Variants in RXRG observed in about 807,000 individuals in gnomAD.
RXRG encodes retinoic acid receptor RXR-gamma.
RXRG carries 19 observed loss-of-function variants against 49.2 expected under a neutral mutation model. The observed-to-expected ratio is 0.39, with a 90% CI of 0.27 to 0.57. The LOEUF is 0.57. Among genes scored for constraint, RXRG ranks in the 20% least tolerant of loss-of-function variants. RXRG has a pLI of 0.64. For synonymous variants in RXRG, 224 were observed against 216.6 expected (o/e 1.03, Z -0.30); for missense variants, 452 against 592.5 (o/e 0.76, Z 2.46).
chr1:165,415,177 T>A (rs754472353), intron 4 of RXRG, among the ~76,000 whole-genome samples: 1 of 151,696 alleles, frequency 6.6e-6, no homozygotes, highest in Non-Finnish European at 1.5e-5. Context: ...ATACGAAGGA[T>A]GAGAAAAAGT....
intron 9 of RXRG, among the ~76,000 whole-genome samples, chr1:165,401,859 G>A (rs760051004): frequency 3.9e-5 from 6 of 152,310 alleles, no homozygotes; most frequent in Non-Finnish European, 4.4e-5. Flanking sequence ...TAGATGACAC[G>A]TTTGAGAACC....
At chr1:165,441,209 C>A (rs138538086) in intron 1 of RXRG, among the ~76,000 whole-genome samples, 1 of 152,340 alleles carries the variant, frequency 6.6e-6, no homozygotes, top group African/African-American at 2.4e-5. Context: ...GGGAAGCCAC[C>A]AATTAATTCT....
At position 165,428,836 on chromosome 1, in the gene RXRG, C is replaced by T. The variant is rs376567163; in HGVS notation, c.180G>A (p.Gly60=). Residue 60 remains glycine, a synonymous_variant, in exon 2 of 10, where the codon GGG becomes GGA. Transcript: ENST00000359842. ...GAGAGCCCAGGGCATTGAGGGGGGTCCCCACTGCACTCAGAGTCCGTGGGG... is the reference window on the plus strand; with the variant it reads ...GAGAGCCCAGGGCATTGAGGGGGGTTCCCACTGCACTCAGAGTCCGTGGGG... ...VSAPRTLSAV[G]TPLNALGSPY... The T allele has an allele frequency of 1.2e-6, 2 of 1,614,004 alleles. No homozygotes were observed. Among genetic ancestry groups the T allele is most frequent in the Non-Finnish European group, 1.7e-6 (2 of 1,179,998 alleles).
At position 165,410,813 on chromosome 1, in the gene RXRG, T is replaced by C; in HGVS notation, c.802A>G (p.Asn268Asp). The change falls in exon 6 of 10, where the codon AAC (asparagine) becomes GAC (aspartate). Residue 268 changes from asparagine to aspartate, a missense_variant. By Grantham distance (23) the Asn-to-Asp change is conservative. Coordinates refer to ENST00000359842, the MANE Select transcript of RXRG (RefSeq NM_006917.5). ...TGCTTGTCAGCAGCATGACATATGT[T>C]GGTAACAGGGTCATTTGTCTGAAAA... is the stretch of plus-strand genomic sequence containing the variant. ...MENSTNDPVT[N>D]ICHAADKQLF... 4 of 1,614,138 alleles carry C rather than the reference T, an allele frequency of 2.5e-6. No homozygotes were observed. Among genetic ancestry groups the C allele is most frequent in the Non-Finnish European group, 3.4e-6 (4 of 1,180,008 alleles).
rs558012832 is a variant in RXRG, at chr1:165,418,217, A to G, written c.443-997T>C. ...TACCTGTCCACACATGCAGTTTTCA[A>G]TTACCCCAGGCAGGGGTGGCTAATT... On this transcript the variant is annotated intron_variant, in intron 3 of 9. Coordinates refer to ENST00000359842, the MANE Select transcript of RXRG (RefSeq NM_006917.5). Among the ~76,000 whole-genome samples the G allele has an allele frequency of 8.6e-5, 13 of 151,950 alleles. No individual in the cohort carries two copies. In the East Asian group the frequency reaches 2.3e-3, roughly 27 times the overall value.
intron 1 of RXRG, among the ~76,000 whole-genome samples, chr1:165,441,678 T>C (rs1390568968): frequency 1.3e-5 from 2 of 152,138 alleles, no homozygotes; most frequent in African/African-American, 4.8e-5. Flanking sequence ...AGAGAAGTCC[T>C]CTCTCTCCCT....
intron 9 of RXRG, among the ~76,000 whole-genome samples, chr1:165,406,386 T>C (rs72687757): frequency 0.3 from 45,602 of 152,142 alleles, 7,503 homozygotes; most frequent in South Asian, 0.43. Context: ...CAGAAAGCAA[T>C]GCAGTCACAC....
At chr1:165,411,672 G>A (rs1657954609) in intron 4 of RXRG, among the ~76,000 whole-genome samples, 1 of 152,158 alleles carries the variant, frequency 6.6e-6, no homozygotes, top group Non-Finnish European at 1.5e-5. Context: ...GGGGTGGAGG[G>A]ATGTCACCTA....
At chr1:165,416,756 A>G (rs937209339) in intron 4 of RXRG, among the ~76,000 whole-genome samples, 3 of 152,220 alleles carry the variant, frequency 2.0e-5, no homozygotes, top group African/African-American at 7.2e-5. Flanking sequence ...TCTGGGCTCC[A>G]GAAGAGGATG....
In RXRG at chr1:165,402,027, C is replaced by T. The variant is rs77383779; in HGVS notation, c.1245-617G>A. ...CCTCCCAAGTAGGCGGGACTACAGGCACATGCCTTGGGGTCCACAGTCACC... is the reference window on the plus strand; with the variant it reads ...CCTCCCAAGTAGGCGGGACTACAGGTACATGCCTTGGGGTCCACAGTCACC... On this transcript the variant is annotated intron_variant, in intron 9 of 9. Coordinates refer to ENST00000359842, the MANE Select transcript of RXRG (RefSeq NM_006917.5). Among the ~76,000 whole-genome samples the T allele has an allele frequency of 2.8e-3, 423 of 152,358 alleles. 5 individuals are homozygous for T. The highest frequency in any genetic ancestry group is 9.7e-3 in the African/African-American group (404 of 41,584).
Position 165,406,877 on chromosome 1 carries a change from CAG to C in RXRG, c.1177_1178del (p.Leu393AlafsTer9), listed in dbSNP as rs1157732230. On this transcript the variant is annotated frameshift_variant, in exon 9 of 10. Coordinates refer to ENST00000359842, the MANE Select transcript of RXRG (RefSeq NM_006917.5). LOFTEE classifies it high-confidence loss of function. ...GLSNPSEVETLREKVYATLEA... is the reference protein window; with the variant it reads ...GLSNPSEVETXREKVYATLEA... ...CAAGGGTGGCATAAACCTTCTCTCG[CAG>C]AGTCTCCACCTCAGAGGGGTTGGAC... The C allele has an allele frequency of 6.2e-7, 1 of 1,613,984 alleles. No individual in the cohort carries two copies. Among genetic ancestry groups the C allele is most frequent in the South Asian group, 1.1e-5 (1 of 91,068 alleles).
intron 4 of RXRG, among the ~76,000 whole-genome samples, chr1:165,414,320 A>G (rs1236494230): frequency 6.6e-6 from 1 of 152,170 alleles, no homozygotes; most frequent in Non-Finnish European, 1.5e-5. Context: ...AAGTACCCAA[A>G]CCATAGAAGT....
chr1:165,402,089 A>ATT (rs56686789), intron 9 of RXRG, among the ~76,000 whole-genome samples: 35,414 of 147,900 alleles, frequency 0.24, 4,333 homozygotes, highest in African/African-American at 0.32. Context: ...ATTGTTACCA[A>ATT]TTTTTTTTTT....
intron 1 of RXRG, among the ~76,000 whole-genome samples, chr1:165,431,182 G>A (rs758864615): frequency 3.9e-5 from 6 of 152,260 alleles, no homozygotes; most frequent in African/African-American, 7.2e-5. Flanking sequence ...TGAAACCCAC[G>A]CTCTCCTCTG....
At chr1:165,415,475 G>A (rs6669441) in intron 4 of RXRG, among the ~76,000 whole-genome samples, 40,238 of 152,094 alleles carry the variant, frequency 0.26, 6,318 homozygotes, top group African/African-American at 0.45. Context: ...AGAAGAGACT[G>A]TAGGAGGACA....
chr1:165,438,812 G>A (rs1658894127), intron 1 of RXRG, among the ~76,000 whole-genome samples: 1 of 152,076 alleles, frequency 6.6e-6, no homozygotes, highest in African/African-American at 2.4e-5. Flanking sequence ...TGACTAAACT[G>A]GTCATGGTAT....
intron 4 of RXRG, among the ~76,000 whole-genome samples, chr1:165,416,097 AC>A (rs1557915107): frequency 6.6e-6 from 1 of 152,060 alleles, no homozygotes; most frequent in Non-Finnish European, 1.5e-5. Context: ...CTCTTCATTG[AC>A]CCTTTCAGTA....
chr1:165,420,050 A>C lies in RXRG; in HGVS notation c.298-36T>G, dbSNP rs2296900. Reference sequence around the variant, plus strand: ...AAAAAATACTGTAAAGCACAGAGCCAGAGTAAATTCAATCCCCAAGGCCTA... The same window carrying C: ...AAAAAATACTGTAAAGCACAGAGCCCGAGTAAATTCAATCCCCAAGGCCTA... On this transcript the variant is annotated intron_variant, in intron 2 of 9. Coordinates refer to ENST00000359842, the MANE Select transcript of RXRG (RefSeq NM_006917.5). The C allele has an allele frequency of 2.0e-6, 3 of 1,499,448 alleles. No individual in the cohort carries two copies. In the East Asian group the frequency reaches 7.3e-5, roughly 36 times the overall value. 92.9% of individuals were successfully genotyped at this position (1,499,448 alleles called of 1,614,324 possible).
intron 2 of RXRG, among the ~76,000 whole-genome samples, chr1:165,421,902 G>A (rs1478591032): frequency 2.6e-5 from 4 of 152,152 alleles, no homozygotes; most frequent in African/African-American, 9.7e-5. Flanking sequence ...CTGCCATAGC[G>A]TGACTTCTAG....
Sources: gnomAD v4.1 joint callset for allele counts (sites outside exome capture counted in the v4.1 genomes callset) on GRCh38, gnomAD v4.1.1 for gene constraint, MANE v1.5 for transcripts, NCBI Gene and HGNC (gene_info 2026-07-23, HGNC 2026-07-21) for gene names.